IRS1: variants seen among roughly 807,000 people sequenced by gnomAD.
IRS1 encodes insulin receptor substrate 1.
In IRS1, 34 loss-of-function variants were observed where a neutral mutation model predicts 65.6. That is an observed-to-expected ratio of 0.52 (90% CI 0.39 to 0.69). IRS1 has a LOEUF of 0.69. Among genes scored for constraint, IRS1 ranks in the 30% least tolerant of loss-of-function variants. The pLI is 0.00. For missense variants in IRS1, 1,641 were observed against 1,720.2 expected (o/e 0.95, Z 0.81); for synonymous variants, 699 against 683.5 (o/e 1.02, Z -0.35).
At chr2:226,755,537 T>C (rs1397046899) in intron 1 of IRS1, among the ~76,000 whole-genome samples, 2 of 152,224 alleles carry the variant, frequency 1.3e-5, no homozygotes, top group Non-Finnish European at 2.9e-5. Flanking sequence ...ATATATATGT[T>C]CCTTATTATA....
rs980309168 is a variant in IRS1, at chr2:226,796,350, G to A, written c.2389C>T (p.Arg797Cys). The change falls in exon 1 of 2, where the codon CGC (arginine) becomes TGC (cysteine). Residue 797 changes from arginine (R) to cysteine (C), a missense_variant. Physicochemically the swap from Arg to Cys is radical, Grantham distance 180. Coordinates refer to ENST00000305123, the MANE Select transcript of IRS1 (RefSeq NM_005544.3). ...QHLRLSTSSGRLLYAATADDS... is the reference protein window; with the variant it reads ...QHLRLSTSSGCLLYAATADDS... ...TCTGCTGTTGCAGCATAGAGAAGGC[G>A]ACCAGAGCTAGTGGAAAGGCGGAGG... 3 of 1,613,294 alleles carry A rather than the reference G, an allele frequency of 1.9e-6. No homozygotes were observed. The highest frequency in any genetic ancestry group is 2.2e-5 in the South Asian group (2 of 91,066).
chr2:226,795,302 A>G lies in IRS1; in HGVS notation c.3437T>C (p.Phe1146Ser), dbSNP rs1483026336. Residue 1146 changes from phenylalanine to serine, a missense_variant, in exon 1 of 2, where the codon TTT becomes TCT. Physicochemically the swap from Phe to Ser is radical, Grantham distance 155. Transcript: ENST00000305123. ...CCCAGGCCTCAGCCACACATTCTCA[A>G]AGGAAGCAGAGCTGTGGCGTTTCAC... ...EDVKRHSSAS[F>S]ENVWLRPGEL... 2 of 1,613,650 alleles carry G rather than the reference A, an allele frequency of 1.2e-6. No individual in the cohort carries two copies. The highest frequency in any genetic ancestry group is 2.7e-5 in the African/African-American group (2 of 74,886).
rs754638587 is a variant in IRS1, at chr2:226,796,518, A to T, written c.2221T>A (p.Ser741Thr). The change falls in exon 1 of 2, where the codon TCC becomes ACC. Residue 741 changes from serine (S) to threonine (T), a missense_variant. Coordinates refer to ENST00000305123, the MANE Select transcript of IRS1 (RefSeq NM_005544.3). ...DYMNMSPVGDSNTSSPSDCYY... is the reference protein window; with the variant it reads ...DYMNMSPVGDTNTSSPSDCYY... ...CAGTCGGAGGGGCTGCTGGTGTTGG[A>T]GTCCCCCACTGGTGACATGTTCATG... 4.3e-6 allele frequency: 7 copies of T among 1,613,796 alleles called. No individual in the cohort carries two copies. In the Middle Eastern group the frequency reaches 6.6e-4, roughly 152 times the overall value.
In IRS1 at chr2:226,731,362, C is replaced by G. The variant is rs901872431; in HGVS notation, c.*4910G>C. The G allele has an allele frequency of 6.6e-6, 1 of 152,094 alleles. No individual in the cohort carries two copies. Among genetic ancestry groups the G allele is most frequent in the Non-Finnish European group, 1.5e-5 (1 of 68,032 alleles). 9.4% of individuals were successfully genotyped at this position (152,094 alleles called of 1,614,324 possible). A position where few individuals can be genotyped will look rare whatever the true frequency, so the allele number is the denominator to read the frequency against. On this transcript the variant is annotated 3_prime_UTR_variant, in exon 2 of 2. Transcript: ENST00000305123. ...GGCAGTTTGTTTCATGTCCAGCAAT[C>G]AAAGACATTAAGGACCACTAATATT...
rs1939758035 is a variant in IRS1 at position 226,797,406 on chromosome 2, CACTGCGGAAGGA to C, written c.1321_1332del (p.Ser441_Ser444del). On this transcript the variant is annotated inframe_deletion, in exon 1 of 2. Transcript: ENST00000305123. This position sits in a 1 kb window ranked among gnomAD's most constrained non-coding sequence, Gnocchi z 8.1. The stretch of plus-strand genomic sequence containing the variant: ...GTGTGGCCCAGGGAATCCGGAGTGA[CACTGCGGAAGGA>C]ACTCCGGAAATCGCAGGGACTGGAG... 2.5e-6 allele frequency: 4 copies of C among 1,612,430 alleles called. No homozygotes were observed. Among genetic ancestry groups the C allele is most frequent in the Non-Finnish European group, 3.4e-6 (4 of 1,179,320 alleles).
chr2:226,780,849 AT>A (rs750450705), intron 1 of IRS1, among the ~76,000 whole-genome samples: 21 of 152,236 alleles, frequency 1.4e-4, no homozygotes, highest in Non-Finnish European at 2.5e-4. Flanking sequence ...TACTCAAAAA[AT>A]ATCCACATTA....
chr2:226,778,865 C>G (rs551588527), intron 1 of IRS1, among the ~76,000 whole-genome samples: 57 of 152,342 alleles, frequency 3.7e-4, no homozygotes, highest in Admixed American at 7.2e-4. Context: ...ACATATACAT[C>G]AACTTCAACT....
At chr2:226,757,207 G>A (rs1450194523) in intron 1 of IRS1, among the ~76,000 whole-genome samples, 1 of 152,160 alleles carries the variant, frequency 6.6e-6, no homozygotes, top group Non-Finnish European at 1.5e-5. Flanking sequence ...TAAGCAAGAA[G>A]CTTTCACTAC....
At chr2:226,742,629 G>A (rs1041518325) in intron 1 of IRS1, among the ~76,000 whole-genome samples, 6 of 151,768 alleles carry the variant, frequency 4.0e-5, no homozygotes, top group Non-Finnish European at 5.9e-5. Flanking sequence ...TCTCGCTCCA[G>A]TTCCCCTTTT....
In IRS1 at chr2:226,794,851, T is replaced by C. The variant is rs1243663168; in HGVS notation, c.*21+138A>G. On this transcript the variant is annotated intron_variant, in intron 1 of 1. Coordinates refer to ENST00000305123, the MANE Select transcript of IRS1 (RefSeq NM_005544.3). The surrounding 1 kb of genome is among the most constrained non-coding windows in gnomAD (Gnocchi z 4.1). ...AGATGTCAGTGTGGGGTGAGCATCT[T>C]GTGTGCCCTGAGAATGTAAGTGCAT... 8 of 797,002 alleles carry C rather than the reference T, an allele frequency of 1.0e-5. No homozygotes were observed. Among genetic ancestry groups the C allele is most frequent in the Non-Finnish European group, 1.3e-5 (6 of 461,402 alleles). 49.4% of individuals were successfully genotyped at this position (797,002 alleles called of 1,614,324 possible).
At chr2:226,739,725 C>T (rs1291246722) in intron 1 of IRS1, among the ~76,000 whole-genome samples, 26 of 152,208 alleles carry the variant, frequency 1.7e-4, no homozygotes, top group Admixed American at 1.7e-3. Flanking sequence ...GACTAAAGTT[C>T]ATCTGTCTGT....
In IRS1 at chr2:226,751,494, A is replaced by G. The variant is rs543733922; in HGVS notation, c.*22-15244T>C. 1.1e-4 allele frequency among the ~76,000 whole-genome samples: 16 copies of G among 152,124 alleles called. No individual in the cohort carries two copies. The South Asian group carries it at 3.1e-3, about 30-fold the overall frequency. On this transcript the variant is annotated intron_variant, in intron 1 of 1. Transcript: ENST00000305123. ...GAGACGGGGTTTCACCGTGTTAGCC[A>G]GGATGGTCTCGATCTCCTAACCTCG...
chr2:226,757,667 TTC>T, intron 1 of IRS1, among the ~76,000 whole-genome samples: 1 of 152,214 alleles, frequency 6.6e-6, no homozygotes, highest in Non-Finnish European at 1.5e-5. Context: ...AACCATGTGT[TTC>T]CTACACTTAT....
intron 1 of IRS1, among the ~76,000 whole-genome samples, chr2:226,790,112 C>G (rs1242601769): frequency 6.6e-6 from 1 of 152,106 alleles, no homozygotes; most frequent in Non-Finnish European, 1.5e-5. Context: ...CCACAACATT[C>G]CTATGTTTAG....
chr2:226,798,136 T>A lies in IRS1; in HGVS notation c.603A>T (p.Ala201=), dbSNP rs763503377. 1.2e-6 allele frequency: 2 copies of A among 1,614,010 alleles called. No individual in the cohort carries two copies. The highest frequency in any genetic ancestry group is 4.5e-5 in the East Asian group (2 of 44,892). ...TISFVKLNSE[A]AAVVLQLMNI... ...TCATCAGCTGCAGCACCACGGCCGCTGCCTCCGAGTTCAGCTTCACGAAGC... is the reference window on the plus strand; with the variant it reads ...TCATCAGCTGCAGCACCACGGCCGCAGCCTCCGAGTTCAGCTTCACGAAGC... Residue 201 remains alanine, a synonymous_variant, in exon 1 of 2, where the codon GCA becomes GCT. Transcript: ENST00000305123. The surrounding 1 kb of genome is among the most constrained non-coding windows in gnomAD (Gnocchi z 9.4).
chr2:226,742,564 C>T (rs985030152), intron 1 of IRS1, among the ~76,000 whole-genome samples: 1 of 152,084 alleles, frequency 6.6e-6, no homozygotes, highest in East Asian at 1.9e-4. Flanking sequence ...TCTTCCAGTG[C>T]GCAGGGTTGC....
intron 1 of IRS1, among the ~76,000 whole-genome samples, chr2:226,750,875 T>C (rs1316206265): frequency 6.6e-6 from 1 of 152,146 alleles, no homozygotes; most frequent in African/African-American, 2.4e-5. Context: ...TGGGGTGGGG[T>C]CTAAGATTCT....
chr2:226,797,787 C>T lies in IRS1; in HGVS notation c.952G>A (p.Gly318Ser), dbSNP rs766308581. ...ACACGGAAGGAGCCTGGCTTCCCGC[C>T]CACCATGCTGGCCGGGGAGGTGGCG... ...ITATSPASMVGGKPGSFRVRA... is the reference protein window; with the variant it reads ...ITATSPASMVSGKPGSFRVRA... Residue 318 changes from glycine (G) to serine (S), a missense_variant, in exon 1 of 2, where the codon GGC becomes AGC. Coordinates refer to ENST00000305123, the MANE Select transcript of IRS1 (RefSeq NM_005544.3). This position sits in a 1 kb window ranked among gnomAD's most constrained non-coding sequence, Gnocchi z 8.1. 3 of 1,596,502 alleles carry T rather than the reference C, an allele frequency of 1.9e-6. No homozygotes were observed. The highest frequency in any genetic ancestry group is 2.2e-5 in the East Asian group (1 of 44,656).
intron 1 of IRS1, among the ~76,000 whole-genome samples, chr2:226,788,791 T>A (rs1939535595): frequency 6.6e-6 from 1 of 152,230 alleles, no homozygotes; most frequent in Non-Finnish European, 1.5e-5. Flanking sequence ...AATGTAATTT[T>A]AAGTTAAAAT....
Sources: allele counts gnomAD v4.1 joint callset (sites outside exome capture counted in the v4.1 genomes callset), GRCh38; gene constraint gnomAD v4.1.1; non-coding constraint Gnocchi (gnomAD v3.1); transcripts MANE v1.5; gene names NCBI Gene and HGNC (gene_info 2026-07-23, HGNC 2026-07-21).